Variants in PARN observed in about 807,000 individuals in gnomAD.
The protein encoded by PARN is poly(A)-specific ribonuclease PARN.
Under a neutral mutation model 102.8 loss-of-function variants are expected in PARN, and 71 were observed. The ratio of observed to expected loss-of-function variants is 0.69; its 90% CI spans 0.57 to 0.84. The LOEUF is 0.84. Ranked by LOEUF, PARN falls within the 40% of genes least tolerant of loss-of-function variation. The pLI is 0.00. For synonymous variants in PARN, 261 were observed against 252.9 expected (o/e 1.03, Z -0.30); for missense variants, 782 against 760.9 (o/e 1.03, Z -0.33).
intron 6 of PARN, among the ~76,000 whole-genome samples, chr16:14,612,583 GA>G (rs1971582104): frequency 6.6e-6 from 1 of 152,040 alleles, no homozygotes. Flanking sequence ...CTACCTTTTG[GA>G]CATACTATTT....
At chr16:14,451,886 A>AAAAAAAAAAAAC (rs1961475071) in intron 22 of PARN, among the ~76,000 whole-genome samples, 1 of 138,748 alleles carries the variant, frequency 7.2e-6, no homozygotes, top group African/African-American at 2.6e-5. Flanking sequence ...AAAAAAAAAA[A>AAAAAAAAAAAAC]AAAAAATACA....
intron 22 of PARN, among the ~76,000 whole-genome samples, chr16:14,452,180 T>C (rs1471676280): frequency 6.6e-6 from 1 of 152,202 alleles, no homozygotes; most frequent in Non-Finnish European, 1.5e-5. Context: ...CTAGAATACA[T>C]TGGTTGTATC....
At chr16:14,507,191 T>C (rs1040367117) in intron 21 of PARN, among the ~76,000 whole-genome samples, 1 of 152,098 alleles carries the variant, frequency 6.6e-6, no homozygotes, top group African/African-American at 2.4e-5. Context: ...CTGGGCGTGG[T>C]GGTGCATGCC....
chr16:14,450,619 C>T (rs755220110), intron 22 of PARN, among the ~76,000 whole-genome samples: 4 of 152,000 alleles, frequency 2.6e-5, no homozygotes, highest in Admixed American at 6.6e-5. Context: ...ACAGAAAGGA[C>T]GTAGAAGCAG....
intron 22 of PARN, among the ~76,000 whole-genome samples, chr16:14,473,856 G>A (rs747676469): frequency 2.6e-5 from 4 of 152,298 alleles, no homozygotes; most frequent in Admixed American, 2.0e-4. Flanking sequence ...ACGGCAAAAC[G>A]GGCTGAGTAC....
At position 14,436,665 on chromosome 16, in the gene PARN, C is replaced by T. The variant is rs564453069; in HGVS notation, c.*52G>A. ...CAGTGCGGCTTCCAAATGTGCCAGCCGGCTCTTGCTCACAGCGACAGCACC... is the reference window on the plus strand; with the variant it reads ...CAGTGCGGCTTCCAAATGTGCCAGCTGGCTCTTGCTCACAGCGACAGCACC... On this transcript the variant is annotated 3_prime_UTR_variant, in exon 24 of 24. Coordinates refer to ENST00000437198, the MANE Select transcript of PARN (RefSeq NM_002582.4). The T allele has an allele frequency of 5.9e-6, 8 of 1,356,728 alleles. No individual in the cohort carries two copies. The highest frequency in any genetic ancestry group is 5.8e-5 in the Admixed American group (3 of 51,860). 84.0% of individuals were successfully genotyped at this position (1,356,728 alleles called of 1,614,324 possible). A position where few individuals can be genotyped will look rare whatever the true frequency, so the allele number is the denominator to read the frequency against.
chr16:14,586,745 A>G (rs942760057), intron 13 of PARN, among the ~76,000 whole-genome samples: 3 of 152,204 alleles, frequency 2.0e-5, no homozygotes, highest in Non-Finnish European at 4.4e-5. Context: ...AATTTATCAT[A>G]ACAGTGAGAC....
Position 14,446,942 on chromosome 16 carries a change from C to T in PARN, c.1810G>A (p.Gly604Arg). ...TTTAATTTCTTGGCCTTTTTCCTTCCCTCTGAGAGGGGCTCTGCACAGGAA... is the reference window on the plus strand; with the variant it reads ...TTTAATTTCTTGGCCTTTTTCCTTCTCTCTGAGAGGGGCTCTGCACAGGAA... ...TDSCAEPLSE[G>R]RKKAKKLKRM... The change falls in exon 23 of 24, where the codon GGA (glycine) becomes AGA (arginine). Residue 604 changes from glycine (G) to arginine (R), a missense_variant. Coordinates refer to ENST00000437198, the MANE Select transcript of PARN (RefSeq NM_002582.4). The T allele has an allele frequency of 1.2e-6, 2 of 1,613,436 alleles. No homozygotes were observed. Among genetic ancestry groups the T allele is most frequent in the South Asian group, 2.2e-5 (2 of 90,952 alleles).
At position 14,447,484 on chromosome 16, in the gene PARN, C is replaced by T. The variant is rs371375836; in HGVS notation, c.1671-403G>A. 3.3e-5 allele frequency among the ~76,000 whole-genome samples: 5 copies of T among 152,294 alleles called. No homozygotes were observed. In the East Asian group the frequency reaches 9.6e-4, roughly 29 times the overall value. The stretch of plus-strand genomic sequence containing the variant: ...ATAGCATTATTCTCTTCATGACTGC[C>T]TAATGCATAAAGAGCAGAACTGAAG... On this transcript the variant is annotated intron_variant, in intron 22 of 23. Transcript: ENST00000437198.
intron 19 of PARN, among the ~76,000 whole-genome samples, chr16:14,554,729 C>A (rs1002520845): frequency 2.0e-5 from 3 of 151,940 alleles, no homozygotes; most frequent in African/African-American, 7.3e-5. Flanking sequence ...CAAGCATGAA[C>A]CACCACACCC....
At chr16:14,491,581 T>C (rs535164227) in intron 21 of PARN, among the ~76,000 whole-genome samples, 13 of 151,982 alleles carry the variant, frequency 8.6e-5, no homozygotes, top group Admixed American at 1.3e-4. Flanking sequence ...CTGGACAACA[T>C]AGTGTGACCC....
intron 12 of PARN, among the ~76,000 whole-genome samples, chr16:14,595,517 A>G (rs1028709958): frequency 1.3e-5 from 2 of 151,186 alleles, no homozygotes; most frequent in African/African-American, 2.4e-5. Context: ...GGCATGTGCC[A>G]CCACTCCTGG....
chr16:14,554,457 GT>G (rs1418762561), intron 19 of PARN, among the ~76,000 whole-genome samples: 3 of 150,750 alleles, frequency 2.0e-5, no homozygotes, highest in Non-Finnish European at 4.4e-5. Flanking sequence ...TTGAGACAGG[GT>G]TTTGCCTTGT....
chr16:14,464,954 C>G (rs922237384), intron 22 of PARN, among the ~76,000 whole-genome samples: 1 of 152,102 alleles, frequency 6.6e-6, no homozygotes. Context: ...TGCCATAAGA[C>G]ATGGTTGACT....
intron 23 of PARN, among the ~76,000 whole-genome samples, chr16:14,442,012 G>GA (rs940727604): frequency 3.5e-4 from 53 of 152,088 alleles, no homozygotes; most frequent in Admixed American, 3.3e-4. Flanking sequence ...AATGTTAGGG[G>GA]AAAAAAGACT....
intron 22 of PARN, among the ~76,000 whole-genome samples, chr16:14,476,392 T>TGGTTAA (rs2151589995): frequency 1.3e-5 from 2 of 152,340 alleles, no homozygotes; most frequent in Non-Finnish European, 2.9e-5. Flanking sequence ...GGCTACCATC[T>TGGTTAA]TGGACAGTAT....
At chr16:14,522,734 C>T (rs927076491) in intron 21 of PARN, among the ~76,000 whole-genome samples, 1 of 152,076 alleles carries the variant, frequency 6.6e-6, no homozygotes, top group Non-Finnish European at 1.5e-5. Context: ...GAAAGGCTGC[C>T]CCCTCCAAGT....
At chr16:14,508,248 G>C (rs1172966046) in intron 21 of PARN, among the ~76,000 whole-genome samples, 1 of 152,092 alleles carries the variant, frequency 6.6e-6, no homozygotes, top group Non-Finnish European at 1.5e-5. Flanking sequence ...CAAATAGGCA[G>C]GCTGGGCATG....
intron 18 of PARN, among the ~76,000 whole-genome samples, 200 bp downstream of exon 18, chr16:14,580,674 T>C (rs1319045421): frequency 6.6e-6 from 1 of 152,216 alleles, no homozygotes; most frequent in East Asian, 1.9e-4. Context: ...TTTCTTTTTT[T>C]TTTTTAAGCC....
Sources: allele counts gnomAD v4.1 joint callset (sites outside exome capture counted in the v4.1 genomes callset), GRCh38; gene constraint gnomAD v4.1.1; transcripts MANE v1.5; gene names NCBI Gene and HGNC (gene_info 2026-07-23, HGNC 2026-07-21).